CCNI: variants seen among roughly 807,000 people sequenced by gnomAD.
CCNI encodes the protein cyclin I, also known as cyclin-I.
A neutral mutation model predicts 34.1 loss-of-function variants in CCNI; 14 were observed. The ratio of observed to expected loss-of-function variants is 0.41; its 90% CI spans 0.27 to 0.64. The LOEUF is 0.64. Among genes scored for constraint, CCNI ranks in the 30% least tolerant of loss-of-function variants. CCNI has a pLI of 0.31. For synonymous variants in CCNI, 154 were observed against 158.4 expected (o/e 0.97, Z 0.21); for missense variants, 385 against 440.5 (o/e 0.87, Z 1.13).
At chr4:77,069,214 C>T (rs1429114963) in intron 1 of CCNI, among the ~76,000 whole-genome samples, 3 of 152,082 alleles carry the variant, frequency 2.0e-5, no homozygotes, top group Non-Finnish European at 2.9e-5. Context: ...TCAAGGAGTT[C>T]GACGCCAGCC....
chr4:77,048,384 G>A lies in CCNI; in HGVS notation c.969C>T (p.Arg323=), dbSNP rs1230414755. The change falls in exon 7 of 7, where the codon CGC becomes CGT. Residue 323 remains arginine, a synonymous_variant. Coordinates refer to ENST00000237654, the MANE Select transcript of CCNI (RefSeq NM_006835.3). ...ASGCKQTSTK[R]KVEEMEVDDF... The stretch of plus-strand genomic sequence containing the variant: ...CATCCACTTCCATTTCCTCTACTTT[G>A]CGTTTAGTAGAGGTCTGCTTGCACC... 6.2e-7 allele frequency: 1 copy of A among 1,611,108 alleles called. No individual in the cohort carries two copies. The highest frequency in any genetic ancestry group is 1.7e-5 in the Admixed American group (1 of 59,904).
At chr4:77,061,584 T>G (rs1465513164) in intron 2 of CCNI, among the ~76,000 whole-genome samples, 1 of 152,222 alleles carries the variant, frequency 6.6e-6, no homozygotes, top group African/African-American at 2.4e-5. Flanking sequence ...CTTTAAACTC[T>G]AAAAGGTTCA....
At chr4:77,069,652 A>AT (rs534983045) in intron 1 of CCNI, among the ~76,000 whole-genome samples, 32 of 124,212 alleles carry the variant, frequency 2.6e-4, no homozygotes, top group South Asian at 5.1e-4. Context: ...AAGTGTCCTC[A>AT]TTTTTTTTAT....
chr4:77,073,168 T>C (rs1396187958), intron 1 of CCNI, among the ~76,000 whole-genome samples: 1 of 152,228 alleles, frequency 6.6e-6, no homozygotes, highest in African/African-American at 2.4e-5. Flanking sequence ...CAAAAGACTA[T>C]TTTAGTTGGC....
At chr4:77,075,444 A>AGCCCCCGCCCCCGCCCCCGCCCCC (rs559043587) in intron 1 of CCNI, 28 bp downstream of exon 1, 1 of 772,348 alleles carries the variant, frequency 1.3e-6, no homozygotes, top group South Asian at 5.9e-5. Context: ...AGACGCGTCG[A>AGCCCCCGCCCCCGCCCCCGCCCCC]GCCCCCGCCC....
chr4:77,062,663 CT>C (rs554011172), intron 2 of CCNI, among the ~76,000 whole-genome samples: 42 of 152,194 alleles, frequency 2.8e-4, no homozygotes, highest in Non-Finnish European at 5.0e-4. Flanking sequence ...TTAACAACCT[CT>C]TTTTAAGATT....
In CCNI at chr4:77,070,496, C is replaced by T. The variant is rs1311318946; in HGVS notation, c.-43-4091G>A. ...TTTCTTTTTTTTTTTTTTTTTTTGA[C>T]ACATCCTTGTTCACAACTTTAAAAA... On this transcript the variant is annotated intron_variant, in intron 1 of 6. Transcript: ENST00000237654. 6.7e-5 allele frequency among the ~76,000 whole-genome samples: 9 copies of T among 134,486 alleles called. No individual in the cohort carries two copies. In the Admixed American group the frequency reaches 6.9e-4, roughly 10 times the overall value. 88.2% of individuals were successfully genotyped at this position (134,486 alleles called of 152,430 possible). A position where few individuals can be genotyped will look rare whatever the true frequency, so the allele number is the denominator to read the frequency against.
At chr4:77,073,957 T>A (rs1729687626) in intron 1 of CCNI, among the ~76,000 whole-genome samples, 1 of 152,178 alleles carries the variant, frequency 6.6e-6, no homozygotes, top group South Asian at 2.1e-4. Flanking sequence ...TATTAACTCA[T>A]GTAATGTTCC....
chr4:77,052,080 C>T (rs1245362239), intron 6 of CCNI, among the ~76,000 whole-genome samples: 3 of 151,874 alleles, frequency 2.0e-5, no homozygotes, highest in Non-Finnish European at 4.4e-5. Context: ...AGGTAGTGAG[C>T]ACAGTACCCA....
At chr4:77,073,376 C>G (rs1337709651) in intron 1 of CCNI, among the ~76,000 whole-genome samples, 1 of 152,174 alleles carries the variant, frequency 6.6e-6, no homozygotes, top group Non-Finnish European at 1.5e-5. Flanking sequence ...AAGTGCTGCA[C>G]AGTGCTGGGT....
chr4:77,055,322 CTCA>C lies in CCNI; in HGVS notation c.515_517del (p.Leu172_Ser173delinsCys), dbSNP rs755944505. The C allele has an allele frequency of 1.9e-6, 3 of 1,614,064 alleles. No homozygotes were observed. In the East Asian group the frequency reaches 6.7e-5, roughly 36 times the overall value. On this transcript the variant is annotated inframe_deletion, in exon 6 of 7. Coordinates refer to ENST00000237654, the MANE Select transcript of CCNI (RefSeq NM_006835.3). ...AAGGACTGCCAAATGTTGAGATGGGCTCAATTTGGGCAAACTGAAAAGTAACTG... is the reference window on the plus strand; with the variant it reads ...AAGGACTGCCAAATGTTGAGATGGGCATTTGGGCAAACTGAAAAGTAACTG...
In CCNI at chr4:77,072,447, T is replaced by G. The variant is rs571018528; in HGVS notation, c.-44+3025A>C. Among the ~76,000 whole-genome samples, 13 of 88,058 alleles carry G rather than the reference T, an allele frequency of 1.5e-4. No individual in the cohort carries two copies. In the South Asian group the frequency reaches 4.9e-3, roughly 33 times the overall value. The allele number at this position is 88,058 out of a possible 152,430, so 57.8% of individuals were successfully genotyped here. A position where few individuals can be genotyped will look rare whatever the true frequency, so the allele number is the denominator to read the frequency against. ...TGGACAACAGAGCGAGATCCCTGTC[T>G]CCACCAAAAAAAAAAAAAAAAAAAA... On this transcript the variant is annotated intron_variant, in intron 1 of 6. Transcript: ENST00000237654.
rs1020930502 is a variant in CCNI at position 77,075,644 on chromosome 4, G to A, written c.-216C>T. The A allele has an allele frequency of 4.8e-5, 34 of 706,164 alleles. No homozygotes were observed. The highest frequency in any genetic ancestry group is 5.6e-5 in the Non-Finnish European group (34 of 602,368). 43.7% of individuals were successfully genotyped at this position (706,164 alleles called of 1,614,324 possible). ...GGGAGAAAGGGGAAGCGGATCGGGG[G>A]GCGCGGGCGCGGGCGCTGGCGCTCG... is the stretch of plus-strand genomic sequence containing the variant. On this transcript the variant is annotated 5_prime_UTR_variant, in exon 1 of 7. Transcript: ENST00000237654.
intron 2 of CCNI, among the ~76,000 whole-genome samples, chr4:77,062,261 C>T (rs1001919346): frequency 3.3e-5 from 5 of 152,156 alleles, no homozygotes; most frequent in South Asian, 2.1e-4. Flanking sequence ...ACCTGTTAAA[C>T]GTTCAACATT....
At chr4:77,055,506 A>C in intron 5 of CCNI, 126 bp from the exon 6 acceptor site, 1 of 657,076 alleles carries the variant, frequency 1.5e-6, no homozygotes, top group Non-Finnish European at 2.6e-6. Flanking sequence ...TCTGTTGCCC[A>C]GGCTGGAGTG....
chr4:77,064,518 A>C (rs1306053266), intron 2 of CCNI, among the ~76,000 whole-genome samples: 1 of 151,902 alleles, frequency 6.6e-6, no homozygotes, highest in Admixed American at 6.5e-5. Flanking sequence ...TATAGCAGAT[A>C]CTCAGCAGAC....
chr4:77,050,064 C>T (rs116354219), intron 6 of CCNI, among the ~76,000 whole-genome samples: 1 of 152,126 alleles, frequency 6.6e-6, no homozygotes, highest in African/African-American at 2.4e-5. Context: ...GCCTTATTTC[C>T]TAGCATACCC....
At chr4:77,048,739 A>AT in intron 6 of CCNI, 77 bp from the exon 7 acceptor site, 1 of 1,121,968 alleles carries the variant, frequency 8.9e-7, no homozygotes, top group Non-Finnish European at 1.2e-6. Context: ...TCTGGTGGCC[A>AT]TTTTTCCTCC....
chr4:77,065,242 TAA>T (rs1728948613), intron 2 of CCNI, among the ~76,000 whole-genome samples: 1 of 152,194 alleles, frequency 6.6e-6, no homozygotes, highest in South Asian at 2.1e-4. Flanking sequence ...AAGGATAGCC[TAA>T]AACAACACAC....
Sources: allele counts gnomAD v4.1 joint callset (sites outside exome capture counted in the v4.1 genomes callset), GRCh38; gene constraint gnomAD v4.1.1; transcripts MANE v1.5; gene names NCBI Gene and HGNC (gene_info 2026-07-23, HGNC 2026-07-21).